KCNK12: variants seen among roughly 807,000 people sequenced by gnomAD.
The protein encoded by KCNK12 is potassium two pore domain channel subfamily K member 12, also known as potassium channel subfamily K member 12.
KCNK12 carries 6 observed loss-of-function variants against 25.3 expected under a neutral mutation model. That is an observed-to-expected ratio of 0.24 (90% CI 0.13 to 0.47). The LOEUF is 0.47. Among genes scored for constraint, KCNK12 ranks in the 20% least tolerant of loss-of-function variants. KCNK12 has a pLI of 0.99. For missense variants in KCNK12, 444 were observed against 661.7 expected (o/e 0.67, Z 3.61); for synonymous variants, 331 against 311.1 (o/e 1.06, Z -0.67).
chr2:47,535,121 G>T (rs1212045373), intron 1 of KCNK12: 1 of 231,446 alleles, frequency 4.3e-6, no homozygotes, highest in Non-Finnish European at 8.6e-6. Context: ...TCAAACTGAG[G>T]TGTCCCCATG....
Position 47,548,227 on chromosome 2 carries a change from A to G in KCNK12, c.391+21714T>C, listed in dbSNP as rs1669353165. 6.6e-6 allele frequency among the ~76,000 whole-genome samples: 1 copy of G among 152,208 alleles called. No homozygotes were observed. Among genetic ancestry groups the G allele is most frequent in the African/African-American group, 2.4e-5 (1 of 41,432 alleles). On this transcript the variant is annotated intron_variant, in intron 1 of 1. Transcript: ENST00000327876. The surrounding 1 kb of genome is among the most constrained non-coding windows in gnomAD (Gnocchi z 4.4). The stretch of plus-strand genomic sequence containing the variant: ...CTCTCAGGTATCTTCTTCAGTGATG[A>G]TAACATTGCTTTAGCCAGGGTTAAG...
intron 1 of KCNK12, chr2:47,564,290 C>T: frequency 4.4e-6 from 1 of 229,874 alleles, no homozygotes. Flanking sequence ...AAGGGGCTGG[C>T]CACAAGCACC....
At position 47,557,860 on chromosome 2, in the gene KCNK12, T is replaced by TTCAC. The variant is rs1669581640; in HGVS notation, c.391+12080_391+12081insGTGA. Among the ~76,000 whole-genome samples the TTCAC allele has an allele frequency of 6.6e-6, 1 of 152,188 alleles. No homozygotes were observed. The highest frequency in any genetic ancestry group is 1.5e-5 in the Non-Finnish European group (1 of 68,036). On this transcript the variant is annotated intron_variant, in intron 1 of 1. Coordinates refer to ENST00000327876, the MANE Select transcript of KCNK12 (RefSeq NM_022055.2). This position sits in a 1 kb window ranked among gnomAD's most constrained non-coding sequence, Gnocchi z 4.9. Reference sequence around the variant, plus strand: ...TGAGATGCCTTAGGGATTCGGGGACTGTGAAGGTAGAAACGGCAGTAAGGT... The same window carrying TTCAC: ...TGAGATGCCTTAGGGATTCGGGGACTTCACGTGAAGGTAGAAACGGCAGTAAGGT...
intron 1 of KCNK12, among the ~76,000 whole-genome samples, chr2:47,561,547 C>G (rs1669670623): frequency 6.6e-6 from 1 of 152,068 alleles, no homozygotes; most frequent in Non-Finnish European, 1.5e-5. Context: ...GCCGGGTGAG[C>G]TACAGGGAAG....
intron 1 of KCNK12, chr2:47,543,235 C>T (rs573820843): frequency 2.0e-5 from 3 of 152,166 alleles, no homozygotes; most frequent in Admixed American, 1.3e-4. Flanking sequence ...ACAACCACCA[C>T]CACAACAAGC....
chr2:47,549,347 A>T (rs958658815), intron 1 of KCNK12, among the ~76,000 whole-genome samples: 1 of 152,236 alleles, frequency 6.6e-6, no homozygotes, highest in Non-Finnish European at 1.5e-5. Context: ...GGCAGAACAA[A>T]GTCCAACCCT....
At chr2:47,537,301 A>G (rs1669094315) in intron 1 of KCNK12, among the ~76,000 whole-genome samples, 1 of 151,590 alleles carries the variant, frequency 6.6e-6, no homozygotes, top group South Asian at 2.1e-4. Flanking sequence ...TACATGGAGC[A>G]CACTGCTCAG....
intron 1 of KCNK12, among the ~76,000 whole-genome samples, chr2:47,535,935 C>T (rs1316466491): frequency 3.3e-5 from 5 of 152,276 alleles, no homozygotes; most frequent in East Asian, 1.9e-4. Context: ...AGGTCAGGGT[C>T]ACAGAAAATG....
rs185015259 is a variant in KCNK12 at position 47,529,933 on chromosome 2, A to G, written c.392-8125T>C. Reference sequence around the variant, plus strand: ...AATATAGTTGATTATCTGAAATTCAAATTTCACTGGGCATGCTGTCTTTTT... The same window carrying G: ...AATATAGTTGATTATCTGAAATTCAGATTTCACTGGGCATGCTGTCTTTTT... On this transcript the variant is annotated intron_variant, in intron 1 of 1. Transcript: ENST00000327876. The surrounding 1 kb of genome is among the most constrained non-coding windows in gnomAD (Gnocchi z 4.3). 2.0e-5 allele frequency among the ~76,000 whole-genome samples: 3 copies of G among 152,280 alleles called. No homozygotes were observed. Among genetic ancestry groups the G allele is most frequent in the African/African-American group, 2.4e-5 (1 of 41,552 alleles).
intron 1 of KCNK12, among the ~76,000 whole-genome samples, chr2:47,567,510 G>C (rs748341400): frequency 6.6e-6 from 1 of 152,228 alleles, no homozygotes; most frequent in Admixed American, 6.5e-5. Context: ...AGAGAAAGCT[G>C]AAATGCCAAT....
At chr2:47,544,505 T>C (rs1669271332) in intron 1 of KCNK12, among the ~76,000 whole-genome samples, 2 of 152,262 alleles carry the variant, frequency 1.3e-5, no homozygotes. Flanking sequence ...CTGAAACACA[T>C]TGGTCGTGTG....
At chr2:47,549,554 T>A (rs955087401) in intron 1 of KCNK12, among the ~76,000 whole-genome samples, 3 of 152,200 alleles carry the variant, frequency 2.0e-5, no homozygotes, top group African/African-American at 7.2e-5. Context: ...TTAAAATATG[T>A]AAAATATGCT....
In KCNK12 at chr2:47,555,318, C is replaced by T. The variant is rs1669529573; in HGVS notation, c.391+14623G>A. 6.6e-6 allele frequency among the ~76,000 whole-genome samples: 1 copy of T among 152,194 alleles called. No homozygotes were observed. Among genetic ancestry groups the T allele is most frequent in the African/African-American group, 2.4e-5 (1 of 41,464 alleles). ...GGAAGCAGCAGATGCAAAGAAAGCT[C>T]CTTATCCTCCCCTATCTGCCTAAAG... On this transcript the variant is annotated intron_variant, in intron 1 of 1. Coordinates refer to ENST00000327876, the MANE Select transcript of KCNK12 (RefSeq NM_022055.2). This position sits in a 1 kb window ranked among gnomAD's most constrained non-coding sequence, Gnocchi z 4.5.
At chr2:47,536,211 T>C (rs1669064114) in intron 1 of KCNK12, among the ~76,000 whole-genome samples, 1 of 152,206 alleles carries the variant, frequency 6.6e-6, no homozygotes, top group South Asian at 2.1e-4. Context: ...ACTTATTTCC[T>C]TTTCTCTTCG....
At position 47,521,131 on chromosome 2, in the gene KCNK12, T is replaced by C. The variant is rs1367394855; in HGVS notation, c.1069A>G (p.Ser357Gly). Reference sequence around the variant, plus strand: ...GAGAGGCGGCGGCCCTCGGCGTCGCTGTCGCGGGCCGCGGGGTCGGCACCG... The same window carrying C: ...GAGAGGCGGCGGCCCTCGGCGTCGCCGTCGCGGGCCGCGGGGTCGGCACCG... ...ALGADPAARDSDAEGRRLSGE... is the reference protein window; with the variant it reads ...ALGADPAARDGDAEGRRLSGE... The change falls in exon 2 of 2, where the codon AGC becomes GGC. Residue 357 changes from serine to glycine, a missense_variant. Physicochemically the swap from Ser to Gly is moderately conservative, Grantham distance 56 (BLOSUM62 0). This residue lies in a region of KCNK12 where 69 missense variants were observed against 81.7 expected (regional missense o/e 0.84). Transcript: ENST00000327876. 1.6e-6 allele frequency: 2 copies of C among 1,272,076 alleles called. No individual in the cohort carries two copies. Among genetic ancestry groups the C allele is most frequent in the Non-Finnish European group, 2.0e-6 (2 of 1,010,232 alleles). 78.8% of individuals were successfully genotyped at this position (1,272,076 alleles called of 1,614,324 possible). A position where few individuals can be genotyped will look rare whatever the true frequency, so the allele number is the denominator to read the frequency against.
chr2:47,534,930 G>A (rs1326081699), intron 1 of KCNK12: 1 of 219,896 alleles, frequency 4.5e-6, no homozygotes, highest in East Asian at 6.6e-5. Flanking sequence ...CTGCTCTCAA[G>A]TGGATAGTTC....
intron 1 of KCNK12, chr2:47,543,256 A>C (rs1253074724): frequency 6.7e-6 from 1 of 148,986 alleles, no homozygotes; most frequent in Non-Finnish European, 1.5e-5. Context: ...ACAGACACCT[A>C]CATTTTTTTT....
rs1341192124 is a variant in KCNK12 at position 47,560,585 on chromosome 2, T to G, written c.391+9356A>C. ...GTCAGGAGCCGTGGATCCTCTATTC[T>G]GCCATTGACTGACTTGCTGTGTGAT... On this transcript the variant is annotated intron_variant, in intron 1 of 1. Transcript: ENST00000327876. This position sits in a 1 kb window ranked among gnomAD's most constrained non-coding sequence, Gnocchi z 4.7. Among the ~76,000 whole-genome samples, 1 of 152,214 alleles carries G rather than the reference T, an allele frequency of 6.6e-6. No individual in the cohort carries two copies. Among genetic ancestry groups the G allele is most frequent in the Admixed American group, 6.5e-5 (1 of 15,286 alleles).
chr2:47,521,922 G>T (rs1306230611), intron 1 of KCNK12, 114 bp from the exon 2 acceptor site: 6 of 835,586 alleles, frequency 7.2e-6, no homozygotes, highest in East Asian at 5.8e-5. Flanking sequence ...CTCCTATCTC[G>T]AGTGGCACCA....
Sources: allele counts gnomAD v4.1 joint callset (sites outside exome capture counted in the v4.1 genomes callset), GRCh38; gene constraint gnomAD v4.1.1; regional missense constraint gnomAD v4.1.1; non-coding constraint Gnocchi (gnomAD v3.1); transcripts MANE v1.5; gene names NCBI Gene and HGNC (gene_info 2026-07-23, HGNC 2026-07-21).